Variants in HSD17B12 observed in about 807,000 individuals in gnomAD.
HSD17B12 encodes the protein hydroxysteroid 17-beta dehydrogenase 12, also known as very-long-chain 3-oxoacyl-CoA reductase.
HSD17B12 carries 32 observed loss-of-function variants against 39.3 expected under a neutral mutation model. That is an observed-to-expected ratio of 0.81 (90% confidence interval 0.61 to 1.09). The LOEUF (loss-of-function observed/expected upper bound fraction) is 1.09, where lower values mean the gene tolerates loss of function less well. Among genes scored for constraint, HSD17B12 ranks in the 50% least tolerant of loss-of-function variants. The pLI is 0.00. For missense variants in HSD17B12, 342 were observed against 382.9 expected, an observed-to-expected ratio of 0.89 and a Z score of 0.89; for synonymous variants, 150 against 146.7, an observed-to-expected ratio of 1.02 and a Z score of -0.16.
intron 1 of HSD17B12, among the ~76,000 whole-genome samples, chr11:43,725,645 G>A (rs1032726327): frequency 1.3e-5 from 2 of 152,124 alleles, no homozygotes; most frequent in African/African-American, 4.8e-5. Flanking sequence ...TTAACAAAAT[G>A]CAGTTATTCC....
chr11:43,768,887 AT>A (rs1359044668), intron 3 of HSD17B12, among the ~76,000 whole-genome samples: 1 of 152,138 alleles, frequency 6.6e-6, no homozygotes, highest in Admixed American at 6.5e-5. Context: ...TGATTGGTCC[AT>A]TTTTACAGAA....
At chr11:43,695,718 A>AG (rs1415921904) in intron 1 of HSD17B12, among the ~76,000 whole-genome samples, 2 of 152,106 alleles carry the variant, frequency 1.3e-5, no homozygotes, top group Admixed American at 6.5e-5. Flanking sequence ...ATGATGAGGA[A>AG]GGAGGAAAAT....
At chr11:43,632,975 T>C in the HSD17B12 span, among the ~76,000 whole-genome samples, 2 of 152,330 alleles carry the variant, frequency 1.3e-5, no homozygotes, top group East Asian at 1.9e-4. Context: ...TAATATGGTA[T>C]GTTTTGGTTA....
the HSD17B12 span, among the ~76,000 whole-genome samples, chr11:43,586,520 G>A: frequency 6.6e-6 from 1 of 152,188 alleles, no homozygotes; most frequent in Admixed American, 6.5e-5. Flanking sequence ...GGGCTTGACT[G>A]AGAGCTGTTA....
chr11:43,676,208 G>GGGGTGT (rs1554958171), upstream of HSD17B12, among the ~76,000 whole-genome samples: 14 of 147,730 alleles, frequency 9.5e-5, no homozygotes, highest in East Asian at 1.4e-3. Context: ...AGAGGAAGAG[G>GGGGTGT]GTGTGTGTGT....
intron 3 of HSD17B12, among the ~76,000 whole-genome samples, chr11:43,785,388 A>G (rs1950806576): frequency 6.6e-6 from 1 of 152,234 alleles, no homozygotes; most frequent in East Asian, 1.9e-4. Context: ...TTAATATTAC[A>G]TGAAAACTAT....
chr11:43,603,844 C>G, the HSD17B12 span, among the ~76,000 whole-genome samples: 1 of 152,042 alleles, frequency 6.6e-6, no homozygotes, highest in African/African-American at 2.4e-5. Context: ...CAGTATTTTT[C>G]CATATTTATT....
chr11:43,768,654 C>T (rs1344400834), intron 3 of HSD17B12, among the ~76,000 whole-genome samples: 2 of 152,194 alleles, frequency 1.3e-5, no homozygotes, highest in East Asian at 3.8e-4. Context: ...GACCTCACTG[C>T]GAGTGTTACA....
intron 6 of HSD17B12, among the ~76,000 whole-genome samples, chr11:43,818,099 G>A (rs139850540): frequency 1.3e-5 from 2 of 152,160 alleles, no homozygotes; most frequent in African/African-American, 2.4e-5. Flanking sequence ...TAGCTACTGG[G>A]ACTACAAAAA....
chr11:43,772,588 A>T (rs1253004321), intron 3 of HSD17B12, among the ~76,000 whole-genome samples: 2 of 152,242 alleles, frequency 1.3e-5, no homozygotes, highest in Non-Finnish European at 2.9e-5. Context: ...TAGATGAAAG[A>T]AATCAAGTAC....
At chr11:43,768,951 A>C (rs1950624368) in intron 3 of HSD17B12, among the ~76,000 whole-genome samples, 1 of 152,198 alleles carries the variant, frequency 6.6e-6, no homozygotes, top group South Asian at 2.1e-4. Context: ...GCTGACTGAT[A>C]CATTTACAAT....
At chr11:43,830,062 A>G (rs1221139724) in intron 6 of HSD17B12, 1 of 152,226 alleles carries the variant, frequency 6.6e-6, no homozygotes, top group African/African-American at 2.4e-5. Flanking sequence ...TTTCTTCAGA[A>G]TATTTCTAGG....
intron 1 of HSD17B12, among the ~76,000 whole-genome samples, chr11:43,715,629 G>T (rs1236704939): frequency 6.6e-6 from 1 of 152,128 alleles, no homozygotes; most frequent in Non-Finnish European, 1.5e-5. Flanking sequence ...TCAGGATGAT[G>T]CTGGCCTCAT....
At chr11:43,720,395 A>G (rs1181271690) in intron 1 of HSD17B12, among the ~76,000 whole-genome samples, 1 of 152,220 alleles carries the variant, frequency 6.6e-6, no homozygotes, top group African/African-American at 2.4e-5. Flanking sequence ...AATTAGGTAA[A>G]TATTATTGCA....
intron 3 of HSD17B12, 89 bp downstream of exon 3, chr11:43,754,210 G>A: frequency 4.7e-6 from 4 of 857,304 alleles, no homozygotes; most frequent in South Asian, 1.6e-5. Flanking sequence ...TTCTAGTTCA[G>A]GAAACTTCTT....
chr11:43,580,063 T>C, the HSD17B12 span, among the ~76,000 whole-genome samples: 5 of 92,580 alleles, frequency 5.4e-5, no homozygotes, highest in Non-Finnish European at 1.0e-4. Context: ...GCTTAGGTAC[T>C]AATGGGGGGG....
intron 9 of HSD17B12, 101 bp downstream of exon 9, chr11:43,840,165 A>G (rs1479450897): frequency 8.0e-6 from 7 of 878,840 alleles, no homozygotes; most frequent in Non-Finnish European, 1.3e-5. Flanking sequence ...ATTCCTAAGT[A>G]AGTGAATGTG....
At chr11:43,669,003 G>T in the HSD17B12 span, among the ~76,000 whole-genome samples, 1 of 151,928 alleles carries the variant, frequency 6.6e-6, no homozygotes, top group East Asian at 1.9e-4. Context: ...TGTGTATATT[G>T]CTAATATATC....
chr11:43,700,579 C>G (rs11037571), intron 1 of HSD17B12, among the ~76,000 whole-genome samples: 55,964 of 151,842 alleles, frequency 0.37, 11,723 homozygotes, highest in East Asian at 0.72. Flanking sequence ...AGTAAGAGAA[C>G]ACACAATGTT....
Sources: gnomAD v4.1 joint callset for allele counts (sites outside exome capture counted in the v4.1 genomes callset) on GRCh38, gnomAD v4.1.1 for gene constraint, MANE v1.5 for transcripts, NCBI Gene and HGNC (gene_info 2026-07-23, HGNC 2026-07-21) for gene names.